The following RASGRP3 variants were observed in gnomAD, a reference collection of about 807,000 sequenced individuals.
The protein encoded by RASGRP3 is ras guanyl-releasing protein 3.
In RASGRP3, 54 loss-of-function variants were observed where a neutral mutation model predicts 82.7. That is an observed-to-expected ratio of 0.65 (90% CI 0.52 to 0.82). The LOEUF (loss-of-function observed/expected upper bound fraction) is 0.82. Ranked by LOEUF, RASGRP3 falls within the 40% of genes least tolerant of loss-of-function variation. The pLI is 0.00. For synonymous variants in RASGRP3, 309 were observed against 300.5 expected, an observed-to-expected ratio of 1.03 and a Z score of -0.29; for missense variants, 861 against 828.9, an observed-to-expected ratio of 1.04 and a Z score of -0.48.
At chr2:33,487,537 G>T (rs1668500580) in intron 1 of RASGRP3, among the ~76,000 whole-genome samples, 1 of 152,130 alleles carries the variant, frequency 6.6e-6, no homozygotes, top group African/African-American at 2.4e-5. Context: ...ACCTATATAG[G>T]GAAAGGATTC....
At chr2:33,520,531 A>G (rs931570882) in intron 5 of RASGRP3, 22 bp from the exon 6 acceptor site, 1 of 1,611,458 alleles carries the variant, frequency 6.2e-7, no homozygotes, top group African/African-American at 1.3e-5. Context: ...TCCAGCTGCC[A>G]AAAATATTTG....
At position 33,559,047 on chromosome 2, in the gene RASGRP3, C is replaced by T. The variant is rs758714111; in HGVS notation, c.2064+17C>T. On this transcript the variant is annotated intron_variant, in intron 17 of 17. Coordinates refer to ENST00000403687, the MANE Select transcript of RASGRP3 (RefSeq NM_001139488.2). ...GATGGTGAGGTAAGTGCTAGGTCAA[C>T]CCACAAAGAAAACCAGAAGAAGGAG... The T allele has an allele frequency of 1.9e-5, 30 of 1,553,460 alleles. 1 individual carries two copies. The South Asian group carries it at 3.7e-4, about 19-fold the overall frequency.
At chr2:33,451,448 T>A (rs143410178) in intron 2 of RASGRP3, among the ~76,000 whole-genome samples, 74 of 152,344 alleles carry the variant, frequency 4.9e-4, no homozygotes, top group African/African-American at 1.7e-3. Context: ...TTTTGTTGCC[T>A]GTGCTTTTGG....
intron 2 of RASGRP3, among the ~76,000 whole-genome samples, chr2:33,449,203 A>C (rs1166968876): frequency 6.6e-6 from 1 of 152,246 alleles, no homozygotes; most frequent in East Asian, 1.9e-4. Context: ...GATCAGGTGC[A>C]TGACACATAC....
intron 10 of RASGRP3, among the ~76,000 whole-genome samples, chr2:33,530,497 C>CTTTT (rs746592952): frequency 1.7e-5 from 2 of 117,076 alleles, no homozygotes; most frequent in African/African-American, 6.9e-5. Context: ...CTGCCCCTTC[C>CTTTT]TTTTTTTTTT....
intron 1 of RASGRP3, among the ~76,000 whole-genome samples, chr2:33,489,181 A>G (rs189984057): frequency 2.8e-4 from 43 of 152,314 alleles, no homozygotes; most frequent in Admixed American, 7.2e-4. Flanking sequence ...ATGACAATCA[A>G]TTATCCAACC....
chr2:33,522,405 C>T (rs1672126076), intron 7 of RASGRP3, among the ~76,000 whole-genome samples: 1 of 152,180 alleles, frequency 6.6e-6, no homozygotes, highest in African/African-American at 2.4e-5. Context: ...GCTCCATTGA[C>T]TTCTCCCAAG....
rs375735557 is a variant in RASGRP3, at chr2:33,502,189, G to T, written c.-260-9521G>T. 5.9e-5 allele frequency among the ~76,000 whole-genome samples: 9 copies of T among 152,220 alleles called. No homozygotes were observed. The East Asian group carries it at 9.7e-4, about 16-fold the overall frequency. ...TATCTATGTAGAGGAAATACAAGGG[G>T]AGTTACAAGCTAGAGGAAGGAGAAG... On this transcript the variant is annotated intron_variant, in intron 1 of 17. Coordinates refer to ENST00000403687, the MANE Select transcript of RASGRP3 (RefSeq NM_001139488.2).
chr2:33,444,161 C>T lies in RASGRP3; in HGVS notation c.-384-3659C>T, dbSNP rs562053149. 1.1e-4 allele frequency among the ~76,000 whole-genome samples: 16 copies of T among 152,092 alleles called. No homozygotes were observed. The East Asian group carries it at 2.3e-3, about 22-fold the overall frequency. ...CTACAAAAACAATTTTAAACATTAG[C>T]TGGGCATGGTGGTGCATGCCTGTAG... On this transcript the variant is annotated intron_variant, in intron 1 of 18. Coordinates refer to the RASGRP3 transcript ENST00000402538.
chr2:33,495,740 G>T (rs1296514723), intron 1 of RASGRP3, among the ~76,000 whole-genome samples: 1 of 152,128 alleles, frequency 6.6e-6, no homozygotes, highest in African/African-American at 2.4e-5. Context: ...AATAAAAAAA[G>T]AACAATTCTT....
chr2:33,521,662 A>G (rs538248862), intron 6 of RASGRP3, among the ~76,000 whole-genome samples: 1 of 152,226 alleles, frequency 6.6e-6, no homozygotes, highest in Non-Finnish European at 1.5e-5. Context: ...TCCCAAATTT[A>G]TATACTAGCC....
intron 10 of RASGRP3, chr2:33,533,639 C>G (rs1040568158): frequency 6.6e-6 from 1 of 152,190 alleles, no homozygotes; most frequent in Non-Finnish European, 1.5e-5. Context: ...ACAGAGCTAG[C>G]CAGTGGCAGG....
At chr2:33,503,859 A>G (rs1002764093) in intron 1 of RASGRP3, among the ~76,000 whole-genome samples, 2 of 152,228 alleles carry the variant, frequency 1.3e-5, no homozygotes, top group African/African-American at 4.8e-5. Flanking sequence ...AAATCTATTT[A>G]TTAAAGCTTA....
rs147803655 is a variant in RASGRP3, at chr2:33,524,553, A to G, written c.807+5A>G. Reference sequence around the variant, plus strand: ...CTTTCTTCAGAAGTTACAAAGGTATAGTAGACTTGATCCTAATCAAAAGTA... The same window carrying G: ...CTTTCTTCAGAAGTTACAAAGGTATGGTAGACTTGATCCTAATCAAAAGTA... On this transcript the variant is annotated splice_donor_5th_base_variant and intron_variant, in intron 9 of 17. Coordinates refer to ENST00000403687, the MANE Select transcript of RASGRP3 (RefSeq NM_001139488.2). The G allele has an allele frequency of 1.7e-4, 261 of 1,556,848 alleles. No individual in the cohort carries two copies. In the East Asian group the frequency reaches 5.7e-3, roughly 34 times the overall value.
chr2:33,473,255 T>A (rs1449571929), upstream of RASGRP3, among the ~76,000 whole-genome samples: 1 of 151,818 alleles, frequency 6.6e-6, no homozygotes, highest in African/African-American at 2.4e-5. Flanking sequence ...TGGTGGCGGG[T>A]GCCTATAGTC....
chr2:33,503,245 CGTA>C (rs754621676), intron 1 of RASGRP3, among the ~76,000 whole-genome samples: 62 of 152,088 alleles, frequency 4.1e-4, no homozygotes, highest in Non-Finnish European at 7.3e-4. Context: ...AGGGCAGAGT[CGTA>C]GTATTTATCT....
intron 1 of RASGRP3, chr2:33,482,975 A>G (rs952023597): frequency 5.9e-5 from 9 of 152,090 alleles, no homozygotes; most frequent in African/African-American, 2.2e-4. Flanking sequence ...TTCTTTAGTG[A>G]TTACTGTAAT....
At chr2:33,508,018 A>G (rs1670556368) in intron 1 of RASGRP3, among the ~76,000 whole-genome samples, 1 of 152,202 alleles carries the variant, frequency 6.6e-6, no homozygotes, top group South Asian at 2.1e-4. Context: ...TCTTTTGAAA[A>G]TAGATTCAGA....
At chr2:33,514,828 G>A (rs868555374) in intron 2 of RASGRP3, among the ~76,000 whole-genome samples, 182 bp from the exon 3 acceptor site, 1 of 152,096 alleles carries the variant, frequency 6.6e-6, no homozygotes. Context: ...ATCCATCCCC[G>A]AGAACAGCTT....
Sources: allele counts gnomAD v4.1 joint callset (sites outside exome capture counted in the v4.1 genomes callset), GRCh38; gene constraint gnomAD v4.1.1; transcripts MANE v1.5; gene names NCBI Gene and HGNC (gene_info 2026-07-23, HGNC 2026-07-21).